DLGAP2: variants seen among roughly 807,000 people sequenced by gnomAD.
DLGAP2 encodes the protein DLG associated protein 2, also known as disks large-associated protein 2.
DLGAP2 carries 26 observed loss-of-function variants against 100.3 expected under a neutral mutation model. The observed-to-expected ratio is 0.26, with a 90% CI of 0.19 to 0.36. DLGAP2 has a LOEUF of 0.36. Among genes scored for constraint, DLGAP2 ranks in the 10% least tolerant of loss-of-function variants. The pLI is 1.00. For missense variants in DLGAP2, 1,858 were observed against 1,453.2 expected (o/e 1.28, Z -4.53); for synonymous variants, 886 against 630.1 (o/e 1.41, Z -6.08).
chr8:1,452,884 G>T (rs758441328), intron 3 of DLGAP2, among the ~76,000 whole-genome samples: 4 of 152,172 alleles, frequency 2.6e-5, no homozygotes, highest in South Asian at 2.1e-4. Flanking sequence ...TTTGTAAAAG[G>T]GGGGTGGCCA....
intron 6 of DLGAP2, chr8:1,622,116 G>C (rs190362984): frequency 6.6e-6 from 1 of 152,332 alleles, no homozygotes; most frequent in African/African-American, 2.4e-5. Context: ...ACACACATGT[G>C]CACGCACAGC....
chr8:1,519,425 G>C (rs997702113), intron 4 of DLGAP2, among the ~76,000 whole-genome samples: 6 of 152,178 alleles, frequency 3.9e-5, no homozygotes, highest in African/African-American at 1.4e-4. Flanking sequence ...TGCTGAAAGG[G>C]CCTTTGCAAT....
chr8:1,489,786 G>T (rs1218651779), intron 3 of DLGAP2, among the ~76,000 whole-genome samples: 3 of 152,198 alleles, frequency 2.0e-5, no homozygotes, highest in Admixed American at 2.0e-4. Flanking sequence ...GTAACGTTAC[G>T]ATGGGAATTT....
At chr8:1,625,686 C>G (rs139653938) in intron 6 of DLGAP2, among the ~76,000 whole-genome samples, 1 of 152,264 alleles carries the variant, frequency 6.6e-6, no homozygotes, top group African/African-American at 2.4e-5. Flanking sequence ...AATTCAGGAG[C>G]TGAGTTTGCT....
At chr8:1,140,311 G>A (rs1301795283) in intron 2 of DLGAP2, among the ~76,000 whole-genome samples, 1 of 140,858 alleles carries the variant, frequency 7.1e-6, no homozygotes, top group Non-Finnish European at 1.6e-5. Context: ...ATGGTCCCAC[G>A]CCTTCCCTCT....
chr8:1,182,725 C>G lies in DLGAP2; in HGVS notation c.74-76126C>G, dbSNP rs560834112. Among the ~76,000 whole-genome samples the G allele has an allele frequency of 2.8e-4, 43 of 152,318 alleles. No homozygotes were observed. The South Asian group carries it at 3.7e-3, about 13-fold the overall frequency. On this transcript the variant is annotated intron_variant, in intron 2 of 14. Transcript: ENST00000637795. ...CCATCACGTCTGCGCTGCCCTGAGA[C>G]ACGGAGCTCCAGCACATTCTGCAGA... is the stretch of plus-strand genomic sequence containing the variant.
At chr8:815,573 C>G (rs571117012) in intron 1 of DLGAP2, among the ~76,000 whole-genome samples, 2 of 152,308 alleles carry the variant, frequency 1.3e-5, no homozygotes, top group South Asian at 4.1e-4. Flanking sequence ...TAAAATTTCA[C>G]TGTGTCCAGG....
chr8:1,335,752 G>C (rs1324213867), intron 3 of DLGAP2, among the ~76,000 whole-genome samples: 2 of 152,226 alleles, frequency 1.3e-5, no homozygotes, highest in African/African-American at 2.4e-5. Context: ...TATGTGTTTT[G>C]TTGCTATGTT....
intron 1 of DLGAP2, among the ~76,000 whole-genome samples, chr8:883,759 C>T (rs1201855607): frequency 2.6e-5 from 4 of 152,112 alleles, no homozygotes; most frequent in African/African-American, 9.7e-5. Flanking sequence ...TTTGCTGCAC[C>T]TATTAACCCA....
chr8:1,358,411 A>G (rs892909908), intron 3 of DLGAP2, among the ~76,000 whole-genome samples: 3 of 152,066 alleles, frequency 2.0e-5, no homozygotes, highest in East Asian at 1.9e-4. Context: ...CTAAAAATGT[A>G]TTGATCGGGG....
At chr8:942,112 A>G (rs1334608773) in intron 2 of DLGAP2, among the ~76,000 whole-genome samples, 1 of 152,084 alleles carries the variant, frequency 6.6e-6, no homozygotes, top group African/African-American at 2.4e-5. Flanking sequence ...GCATGCCACT[A>G]TGTCCAGCTA....
At position 1,082,339 on chromosome 8, in the gene DLGAP2, C is replaced by T. The variant is rs1404271201; in HGVS notation, c.73+174373C>T. 3.9e-5 allele frequency among the ~76,000 whole-genome samples: 6 copies of T among 152,146 alleles called. No individual in the cohort carries two copies. The South Asian group carries it at 6.2e-4, about 16-fold the overall frequency. On this transcript the variant is annotated intron_variant, in intron 2 of 14. Transcript: ENST00000637795. ...TCTCTCTTATTTTACCCCGTTGAGT[C>T]TTCCCATTTCTACGTTTTCTTTATT...
At chr8:807,822 A>C (rs915091245) in intron 1 of DLGAP2, among the ~76,000 whole-genome samples, 2 of 152,174 alleles carry the variant, frequency 1.3e-5, no homozygotes, top group African/African-American at 4.8e-5. Context: ...GCTACTTTCA[A>C]AATGACGGGG....
chr8:1,042,881 G>A (rs372257309), intron 2 of DLGAP2, among the ~76,000 whole-genome samples: 7 of 82,616 alleles, frequency 8.5e-5, no homozygotes, highest in Admixed American at 1.2e-4. Flanking sequence ...TGGGTGGTGG[G>A]TGTGGGTGAT....
chr8:1,013,435 C>T (rs1296177597), intron 2 of DLGAP2, among the ~76,000 whole-genome samples: 1 of 152,138 alleles, frequency 6.6e-6, no homozygotes. Context: ...GGAGGTGCTG[C>T]TGGACCAGCA....
chr8:1,171,182 T>C (rs1052627122), intron 2 of DLGAP2, among the ~76,000 whole-genome samples: 5 of 152,226 alleles, frequency 3.3e-5, no homozygotes, highest in African/African-American at 9.6e-5. Context: ...TTCCATGTAG[T>C]TGAGCGGTTT....
At chr8:1,564,675 C>T (rs1321957079) in intron 5 of DLGAP2, among the ~76,000 whole-genome samples, 3 of 152,194 alleles carry the variant, frequency 2.0e-5, no homozygotes, top group Non-Finnish European at 4.4e-5. Context: ...ATATAATACG[C>T]ACGGGTGCTG....
chr8:1,197,900 A>C (rs1243812616), intron 2 of DLGAP2, among the ~76,000 whole-genome samples: 2 of 151,932 alleles, frequency 1.3e-5, no homozygotes, highest in East Asian at 3.9e-4. Context: ...TCTCATGGGG[A>C]ATGAGTGGAA....
At chr8:1,059,786 A>T (rs1173095043) in intron 2 of DLGAP2, among the ~76,000 whole-genome samples, 1 of 152,118 alleles carries the variant, frequency 6.6e-6, no homozygotes, top group Non-Finnish European at 1.5e-5. Context: ...GACCGCAGGA[A>T]CCACCAGGAC....
Sources: allele counts gnomAD v4.1 joint callset (sites outside exome capture counted in the v4.1 genomes callset), GRCh38; gene constraint gnomAD v4.1.1; transcripts MANE v1.5; gene names NCBI Gene and HGNC (gene_info 2026-07-23, HGNC 2026-07-21).